The following TYMP variants were observed in gnomAD, a reference collection of about 807,000 sequenced individuals.
The protein encoded by TYMP is thymidine phosphorylase.
A neutral mutation model predicts 42.3 loss-of-function variants in TYMP; 46 were observed. That is an observed-to-expected ratio of 1.09 (90% CI 0.86 to 1.39). The LOEUF (loss-of-function observed/expected upper bound fraction) is 1.39. TYMP is among the 40% of genes most tolerant of loss of function. The pLI is 0.00. For synonymous variants in TYMP, 363 were observed against 308.0 expected (o/e 1.18, Z -1.87); for missense variants, 837 against 677.6 (o/e 1.24, Z -2.61).
Position 50,527,161 on chromosome 22 carries a change from T to C in TYMP, c.765+4A>G. On this transcript the variant is annotated splice_donor_region_variant and intron_variant, in intron 6 of 9. Transcript: ENST00000252029. Reference sequence around the variant, plus strand: ...CTTGCCCAGGGAAAGGCCACACCGCTCACCAGCGTCTTTGCCAGCTCCCGG... The same window carrying C: ...CTTGCCCAGGGAAAGGCCACACCGCCCACCAGCGTCTTTGCCAGCTCCCGG... 6.2e-7 allele frequency: 1 copy of C among 1,610,918 alleles called. No homozygotes were observed. Among genetic ancestry groups the C allele is most frequent in the Middle Eastern group, 1.9e-4 (1 of 5,292 alleles).
In TYMP at chr22:50,526,267, C is replaced by G; in HGVS notation, c.1138G>C (p.Glu380Gln). Residue 380 changes from glutamate (E) to glutamine (Q), a missense_variant, in exon 8 of 10, where the codon GAG (glutamate) becomes CAG (glutamine). Physicochemically the swap from Glu to Gln is conservative, Grantham distance 29. Transcript: ENST00000252029. ...QLLPRAREQEELLAPADGTVE... is the reference protein window; with the variant it reads ...QLLPRAREQEQLLAPADGTVE... ...TCACCATCTGCGGGCGCCAGCAGCT[C>G]CTCCTGCTCCCGGGCGCGAGGCAGC... 4 of 1,540,628 alleles carry G rather than the reference C, an allele frequency of 2.6e-6. No homozygotes were observed. The highest frequency in any genetic ancestry group is 3.5e-6 in the Non-Finnish European group (4 of 1,153,802).
At position 50,526,102 on chromosome 22, in the gene TYMP, A is replaced by G. The variant is rs2069354583; in HGVS notation, c.1199T>C (p.Val400Ala). 3.4e-5 allele frequency: 51 copies of G among 1,490,064 alleles called. No homozygotes were observed. Among genetic ancestry groups the G allele is most frequent in the Non-Finnish European group, 4.5e-5 (51 of 1,128,054 alleles). The allele number at this position is 1,490,064 out of a possible 1,614,324, so 92.3% of individuals were successfully genotyped here. A position where few individuals can be genotyped will look rare whatever the true frequency, so the allele number is the denominator to read the frequency against. The change falls in exon 9 of 10, where the codon GTG becomes GCG. Residue 400 changes from valine (V) to alanine (A), a missense_variant. Coordinates refer to ENST00000252029, the MANE Select transcript of TYMP (RefSeq NM_001953.5). ...GCGCCCGGCCCCGAGCTCGTGCAGC[A>G]CCAGCGCCAGCGGCAGCGCCCGGAC... is the stretch of plus-strand genomic sequence containing the variant. ...ELVRALPLAL[V>A]LHELGAGRSR...
At chr22:50,529,759 C>G (rs762139992) in intron 1 of TYMP, 40 bp from the exon 2 acceptor site, 2 of 1,552,222 alleles carry the variant, frequency 1.3e-6, no homozygotes, top group South Asian at 2.3e-5. Flanking sequence ...TGCGGCCTCC[C>G]GGCGTCGGTG....
chr22:50,529,072 G>T, intron 3 of TYMP, 64 bp downstream of exon 3: 1 of 1,557,232 alleles, frequency 6.4e-7, no homozygotes, highest in African/African-American at 1.4e-5. Flanking sequence ...GGAGCTGCCT[G>T]TGGATGGACT....
At position 50,529,290 on chromosome 22, in the gene TYMP, G is replaced by A; in HGVS notation, c.263C>T (p.Thr88Ile). 6.2e-7 allele frequency: 1 copy of A among 1,613,392 alleles called. No individual in the cohort carries two copies. The highest frequency in any genetic ancestry group is 8.5e-7 in the Non-Finnish European group (1 of 1,180,012). Residue 88 changes from threonine (T) to isoleucine (I), a missense_variant, in exon 3 of 10, where the codon ACC becomes ATC. By Grantham distance (89) the Thr-to-Ile change is moderately conservative. Coordinates refer to ENST00000252029, the MANE Select transcript of TYMP (RefSeq NM_001953.5). Reference protein sequence around the residue: ...IRLRGMDLEETSVLTQALAQS... With the variant: ...IRLRGMDLEEISVLTQALAQS... ...AGCCAGGGCCTGGGTCAGCACCGAG[G>A]TCTCCTCCAGATCCATGCCCCGAAG...
In TYMP at chr22:50,527,211, G is replaced by T. The variant is rs568773673; in HGVS notation, c.719C>A (p.Ala240Asp). 5 of 1,613,570 alleles carry T rather than the reference G, an allele frequency of 3.1e-6. No homozygotes were observed. In the African/African-American group the frequency reaches 5.3e-5, roughly 17 times the overall value. Reference sequence around the variant, plus strand: ...GGCCTGCTCCTGGTTGGGGAAGACGGCGGCCCCTCCGAACTTAACGTCCAC... The same window carrying T: ...GGCCTGCTCCTGGTTGGGGAAGACGTCGGCCCCTCCGAACTTAACGTCCAC... Reference protein sequence around the residue: ...LVVDVKFGGAAVFPNQEQARE... With the variant: ...LVVDVKFGGADVFPNQEQARE... The change falls in exon 6 of 10, where the codon GCC becomes GAC. Residue 240 changes from alanine to aspartate, a missense_variant. Physicochemically the swap from Ala to Asp is moderately radical, Grantham distance 126 (BLOSUM62 -2). Coordinates refer to ENST00000252029, the MANE Select transcript of TYMP (RefSeq NM_001953.5).
chr22:50,528,011 C>T (rs1224361723), intron 4 of TYMP: 4 of 426,504 alleles, frequency 9.4e-6, no homozygotes, highest in Non-Finnish European at 1.7e-5. Context: ...AACTGGGCTC[C>T]TCTGCCTCCC....
At position 50,528,504 on chromosome 22, in the gene TYMP, C is replaced by T. The variant is rs1359558544; in HGVS notation, c.516+8G>A. ...CTGGATTAATGACTGATCCGTGGCG[C>T]CCCGTACCTGCTCTGGGCTCTGGAT... On this transcript the variant is annotated splice_region_variant and intron_variant, in intron 4 of 9. Coordinates refer to ENST00000252029, the MANE Select transcript of TYMP (RefSeq NM_001953.5). 22 of 1,613,056 alleles carry T rather than the reference C, an allele frequency of 1.4e-5. No individual in the cohort carries two copies. Among genetic ancestry groups the T allele is most frequent in the South Asian group, 6.6e-5 (6 of 90,944 alleles).
Position 50,529,541 on chromosome 22 carries a change from A to G in TYMP, c.169T>C (p.Phe57Leu). The G allele has an allele frequency of 6.2e-7, 1 of 1,613,124 alleles. No homozygotes were observed. Among genetic ancestry groups the G allele is most frequent in the Non-Finnish European group, 8.5e-7 (1 of 1,179,930 alleles). ...CTCCCATTCACCACAGCGGCCACGA[A>G]GCCCCTGATGTCCGCTTCGCTCAGG... ...GRLSEADIRG[F>L]VAAVVNGSAQ... Residue 57 changes from phenylalanine (F) to leucine (L), a missense_variant, in exon 2 of 10, where the codon TTC becomes CTC. Physicochemically the swap from Phe to Leu is conservative, Grantham distance 22. Coordinates refer to ENST00000252029, the MANE Select transcript of TYMP (RefSeq NM_001953.5).
chr22:50,526,550 G>A (rs1419949799), intron 7 of TYMP, 26 bp downstream of exon 7: 1 of 1,539,662 alleles, frequency 6.5e-7, no homozygotes, highest in Non-Finnish European at 8.8e-7. Context: ...CGCCGCCTCC[G>A]CTCCCCTACA....
chr22:50,528,350 A>G, intron 4 of TYMP, 162 bp downstream of exon 4: 1 of 717,646 alleles, frequency 1.4e-6, no homozygotes, highest in Non-Finnish European at 2.5e-6. Flanking sequence ...GATCCTAATC[A>G]AAGTTCCACT....
rs763793306 is a variant in TYMP, at chr22:50,529,461, G to C, written c.214+35C>G. 6.8e-6 allele frequency: 11 copies of C among 1,609,644 alleles called. No homozygotes were observed. In the East Asian group the frequency reaches 2.5e-4, roughly 36 times the overall value. The stretch of plus-strand genomic sequence containing the variant: ...CAAAGTCTCTCGGGCTGACCTCCCA[G>C]TCGGGGTCAGGAACGCCCAACCCTC... On this transcript the variant is annotated intron_variant, in intron 2 of 9. Coordinates refer to ENST00000252029, the MANE Select transcript of TYMP (RefSeq NM_001953.5).
At chr22:50,527,113 T>G in intron 6 of TYMP, 52 bp downstream of exon 6, 1 of 1,439,508 alleles carries the variant, frequency 6.9e-7, no homozygotes, top group Admixed American at 1.7e-5. Context: ...GGGTGAAGGG[T>G]AGGCTGGGCC....
At chr22:50,529,459 C>T in intron 2 of TYMP, 37 bp downstream of exon 2, 3 of 1,609,440 alleles carry the variant, frequency 1.9e-6, no homozygotes, top group Non-Finnish European at 2.5e-6. Flanking sequence ...GCTGACCTCC[C>T]AGTCGGGGTC....
upstream of TYMP, chr22:50,530,049 CGGGT>C: frequency 3.0e-6 from 1 of 331,228 alleles, no homozygotes; most frequent in Non-Finnish European, 5.5e-6. Flanking sequence ...GGACGGCAGG[CGGGT>C]GGGGCCGCCT....
rs879487512 is a variant in TYMP at position 50,525,846 on chromosome 22, G to A, written c.1373C>T (p.Ala458Val). The change falls in exon 10 of 10, where the codon GCG (alanine) becomes GTG (valine). Residue 458 changes from alanine (A) to valine (V), a missense_variant. Transcript: ENST00000252029. Reference sequence around the variant, plus strand: ...TGGCGCGCGGTCGGAGAGTACGAGCGCCTCCTGCAGGGCGCGGCTCTGCGG... The same window carrying A: ...TGGCGCGCGGTCGGAGAGTACGAGCACCTCCTGCAGGGCGCGGCTCTGCGG... ...SGPQSRALQE[A>V]LVLSDRAPFA... The A allele has an allele frequency of 1.9e-6, 3 of 1,605,970 alleles. No individual in the cohort carries two copies. Among genetic ancestry groups the A allele is most frequent in the Non-Finnish European group, 1.7e-6 (2 of 1,176,830 alleles).
intron 6 of TYMP, 75 bp downstream of exon 6, chr22:50,527,090 G>T: frequency 2.5e-6 from 3 of 1,205,088 alleles, no homozygotes; most frequent in Non-Finnish European, 2.5e-6. Flanking sequence ...GAGGGAGGCA[G>T]TGGGGACGGG....
In TYMP at chr22:50,529,207, G is replaced by T; in HGVS notation, c.346C>A (p.His116Asn). ...TTGTCACCCACACCCCCTGTGGAAT[G>T]CTTGTCCACAAGCTGCTGGCGCCAG... ...EAWRQQLVDKHSTGGVGDKVS... is the reference protein window; with the variant it reads ...EAWRQQLVDKNSTGGVGDKVS... Residue 116 changes from histidine to asparagine, a missense_variant, in exon 3 of 10, where the codon CAT becomes AAT. His to Asn is a moderately conservative substitution (Grantham distance 68, BLOSUM62 1). Coordinates refer to ENST00000252029, the MANE Select transcript of TYMP (RefSeq NM_001953.5). The T allele has an allele frequency of 6.2e-7, 1 of 1,613,312 alleles. No homozygotes were observed. Among genetic ancestry groups the T allele is most frequent in the South Asian group, 1.1e-5 (1 of 91,092 alleles).
chr22:50,526,634 C>T lies in TYMP; in HGVS notation c.870G>A (p.Ala290=), dbSNP rs2069396480. 11 of 1,573,676 alleles carry T rather than the reference C, an allele frequency of 7.0e-6. No individual in the cohort carries two copies. Among genetic ancestry groups the T allele is most frequent in the Non-Finnish European group, 9.5e-6 (11 of 1,161,220 alleles). Residue 290 remains alanine (A), a synonymous_variant, in exon 7 of 10, where the codon GCG becomes GCA. Coordinates refer to ENST00000252029, the MANE Select transcript of TYMP (RefSeq NM_001953.5). The part of the protein sequence containing the change: ...CVGHALEVEE[A]LLCMDGAGPP... Reference sequence around the variant, plus strand: ...GGCCTGCGCCGTCCATGCAGAGCAGCGCCTCCTCCACCTCCAGGGCGTGGC... The same window carrying T: ...GGCCTGCGCCGTCCATGCAGAGCAGTGCCTCCTCCACCTCCAGGGCGTGGC...
Sources: allele counts gnomAD v4.1 joint callset, GRCh38; gene constraint gnomAD v4.1.1; transcripts MANE v1.5; gene names NCBI Gene and HGNC (gene_info 2026-07-23, HGNC 2026-07-21).